The following ACSM3 variants were observed in gnomAD, a reference collection of about 807,000 sequenced individuals.
The protein encoded by ACSM3 is acyl-coenzyme A synthetase ACSM3, mitochondrial.
In ACSM3, 61 loss-of-function variants were observed where a neutral mutation model predicts 74.1. That is an observed-to-expected ratio of 0.82 (90% CI 0.67 to 1.02). The LOEUF (loss-of-function observed/expected upper bound fraction) is 1.02. Among genes scored for constraint, ACSM3 ranks in the 50% least tolerant of loss-of-function variants. The pLI is 0.00. For missense variants in ACSM3, 660 were observed against 697.0 expected (o/e 0.95, Z 0.60); for synonymous variants, 213 against 241.5 (o/e 0.88, Z 1.09).
chr16:20,743,142 G>A (rs2079942963), intron 1 of ACSM3, among the ~76,000 whole-genome samples: 1 of 151,940 alleles, frequency 6.6e-6, no homozygotes, highest in South Asian at 2.1e-4. Flanking sequence ...GTTTTACCGT[G>A]TCAGTCAGGA....
At chr16:20,754,933 A>G (rs959096503) in intron 2 of ACSM3, among the ~76,000 whole-genome samples, 1 of 152,100 alleles carries the variant, frequency 6.6e-6, no homozygotes. Flanking sequence ...TGCTTAAGTC[A>G]ATGGACTTAA....
intron 1 of ACSM3, among the ~76,000 whole-genome samples, chr16:20,746,301 G>GT (rs2079958007): frequency 6.6e-6 from 1 of 152,040 alleles, no homozygotes; most frequent in African/African-American, 2.4e-5. Context: ...TCTTTTTGAT[G>GT]TAAGTATCCA....
chr16:20,742,813 A>ATATATATATATATATATT (rs61582869), intron 1 of ACSM3, among the ~76,000 whole-genome samples: 2 of 66,822 alleles, frequency 3.0e-5, no homozygotes, highest in African/African-American at 8.6e-5. Context: ...ATATATATAT[A>ATATATATATATATATATT]TTTTTTTTTT....
At chr16:20,678,118 T>A (rs1041109871) in intron 1 of ACSM3, among the ~76,000 whole-genome samples, 1 of 152,124 alleles carries the variant, frequency 6.6e-6, no homozygotes, top group African/African-American at 2.4e-5. Context: ...TCCCAGAGAT[T>A]CCCCTTCTGT....
chr16:20,774,063 A>G (rs1195122682), intron 2 of ACSM3, among the ~76,000 whole-genome samples: 4 of 152,144 alleles, frequency 2.6e-5, no homozygotes, highest in African/African-American at 9.7e-5. Flanking sequence ...TATATTTACA[A>G]TTGTTATATC....
At chr16:20,755,785 C>T (rs866498317) in intron 3 of ACSM3, among the ~76,000 whole-genome samples, 2 of 86,242 alleles carry the variant, frequency 2.3e-5, no homozygotes, top group African/African-American at 8.1e-5. Context: ...TCCCTCCCCC[C>T]CCCCCACCCC....
intron 1 of ACSM3, chr16:20,727,202 TCAA>T: frequency 2.8e-6 from 1 of 360,148 alleles, no homozygotes; most frequent in Non-Finnish European, 5.3e-6. Flanking sequence ...CAGTAGGTGT[TCAA>T]CAAGTTTTTG....
intron 1 of ACSM3, among the ~76,000 whole-genome samples, chr16:20,684,745 G>T (rs1311968720): frequency 1.3e-5 from 2 of 152,136 alleles, no homozygotes; most frequent in Non-Finnish European, 2.9e-5. Flanking sequence ...AGTAAGAAAG[G>T]GAGAGAAAGA....
At position 20,770,120 on chromosome 16, in the gene ACSM3, A is replaced by G; in HGVS notation, c.86A>G (p.His29Arg). 14 of 1,614,222 alleles carry G rather than the reference A, an allele frequency of 8.7e-6. No individual in the cohort carries two copies. The highest frequency in any genetic ancestry group is 1.1e-5 in the Non-Finnish European group (13 of 1,180,046). ...LAIFGSVRAL[H>R]KDNRTATPQN... is the part of the protein sequence containing the mutation. ...ATTTTTGGTTCTGTGAGGGCACTGCATAAAGATAATAGAACAGCAACCCCT... is the reference window on the plus strand; with the variant it reads ...ATTTTTGGTTCTGTGAGGGCACTGCGTAAAGATAATAGAACAGCAACCCCT... The change falls in exon 2 of 14, where the codon CAT (histidine) becomes CGT (arginine). Residue 29 changes from histidine (H) to arginine (R), a missense_variant. His to Arg is a conservative substitution (Grantham distance 29, BLOSUM62 0). Coordinates refer to ENST00000289416, the MANE Select transcript of ACSM3 (RefSeq NM_005622.4).
intron 2 of ACSM3, among the ~76,000 whole-genome samples, chr16:20,754,641 T>C (rs1187142345): frequency 6.6e-6 from 1 of 152,238 alleles, no homozygotes; most frequent in Admixed American, 6.5e-5. Flanking sequence ...GCCTGATTCA[T>C]GGATCAGTTT....
intron 2 of ACSM3, among the ~76,000 whole-genome samples, chr16:20,754,724 A>G (rs894857897): frequency 1.3e-5 from 2 of 152,152 alleles, no homozygotes; most frequent in African/African-American, 4.8e-5. Context: ...TGAGTTTAGG[A>G]CCACCAACAA....
chr16:20,771,480 T>C (rs1357866160), intron 2 of ACSM3, among the ~76,000 whole-genome samples: 2 of 149,580 alleles, frequency 1.3e-5, no homozygotes, highest in African/African-American at 4.9e-5. Flanking sequence ...AGTAAGAACA[T>C]GTGGCATTTA....
intron 1 of ACSM3, chr16:20,703,951 A>C (rs2079720251): frequency 6.6e-6 from 1 of 152,224 alleles, no homozygotes; most frequent in African/African-American, 2.4e-5. Flanking sequence ...AAGAGATAAT[A>C]TATACAAACT....
At chr16:20,781,502 A>AT (rs559832308) in intron 6 of ACSM3, among the ~76,000 whole-genome samples, 243 of 152,366 alleles carry the variant, frequency 1.6e-3, no homozygotes, top group African/African-American at 5.6e-3. Flanking sequence ...CATAGGTTAT[A>AT]TGCAAATACC....
chr16:20,726,870 C>A (rs2152401745), intron 1 of ACSM3, among the ~76,000 whole-genome samples: 1 of 152,316 alleles, frequency 6.6e-6, no homozygotes, highest in South Asian at 2.1e-4. Context: ...TCATGAGTAT[C>A]AACTCAGCCC....
intron 2 of ACSM3, 91 bp from the exon 3 acceptor site, chr16:20,775,748 T>G (rs1193317794): frequency 1.5e-6 from 2 of 1,330,822 alleles, no homozygotes; most frequent in Admixed American, 3.6e-5. Context: ...CTTGCGAACT[T>G]TCTTCAGCTA....
chr16:20,738,272 G>A (rs373536409), intron 1 of ACSM3: 10 of 459,528 alleles, frequency 2.2e-5, no homozygotes, highest in South Asian at 9.3e-5. Flanking sequence ...TTGTTTTCCT[G>A]TAACAACAGA....
At chr16:20,727,113 C>T (rs1273600034) in intron 1 of ACSM3, among the ~76,000 whole-genome samples, 1 of 152,216 alleles carries the variant, frequency 6.6e-6, no homozygotes, top group Non-Finnish European at 1.5e-5. Flanking sequence ...TCTCCTCCAT[C>T]TGCTAAAATG....
rs2079589907 is a variant in ACSM3, at chr16:20,688,274, G to A, written c.-190+13452G>A. Among the ~76,000 whole-genome samples the A allele has an allele frequency of 2.0e-5, 3 of 151,962 alleles. No individual in the cohort carries two copies. In the South Asian group the frequency reaches 6.2e-4, roughly 32 times the overall value. On this transcript the variant is annotated intron_variant, in intron 1 of 3. Transcript: ENST00000561584. ...TCTGAGAAGAAAAAGTTAAAAAGAA[G>A]GAAGAAAAATAAACAGAGTTTGAGG...
Sources: allele counts gnomAD v4.1 joint callset (sites outside exome capture counted in the v4.1 genomes callset), GRCh38; gene constraint gnomAD v4.1.1; transcripts MANE v1.5; gene names NCBI Gene and HGNC (gene_info 2026-07-23, HGNC 2026-07-21).